Variants in ZNF286A observed in about 807,000 individuals in gnomAD.
The protein encoded by ZNF286A is zinc finger protein ZNF286.
In ZNF286A, 34 loss-of-function variants were observed where a neutral mutation model predicts 49.3. That is an observed-to-expected ratio of 0.69 (90% CI 0.52 to 0.92). The LOEUF (loss-of-function observed/expected upper bound fraction) is 0.92. Among genes scored for constraint, ZNF286A ranks in the 40% least tolerant of loss-of-function variants. The pLI is 0.00. For synonymous variants in ZNF286A, 155 were observed against 200.4 expected, an observed-to-expected ratio of 0.77 and a Z score of 1.91; for missense variants, 462 against 600.2, an observed-to-expected ratio of 0.77 and a Z score of 2.41.
At chr17:15,708,807 A>C (rs1349441797) in intron 5 of ZNF286A, among the ~76,000 whole-genome samples, 1 of 152,142 alleles carries the variant, frequency 6.6e-6, no homozygotes, top group Non-Finnish European at 1.5e-5. Context: ...TCATTGTATA[A>C]TTTTTTGTTT....
At chr17:15,712,762 T>TA (rs1246515715) in intron 5 of ZNF286A, among the ~76,000 whole-genome samples, 1 of 152,318 alleles carries the variant, frequency 6.6e-6, no homozygotes, top group Admixed American at 6.5e-5. Flanking sequence ...GTGAGACTGA[T>TA]ATTTTCATAA....
intron 5 of ZNF286A, among the ~76,000 whole-genome samples, chr17:15,714,068 C>T (rs1966899809): frequency 6.6e-6 from 1 of 151,916 alleles, no homozygotes; most frequent in East Asian, 1.9e-4. Flanking sequence ...AACAGAATTG[C>T]TTTACGAATA....
At chr17:15,702,183 A>G (rs1231508333) in intron 3 of ZNF286A, among the ~76,000 whole-genome samples, 1 of 151,606 alleles carries the variant, frequency 6.6e-6, no homozygotes, top group African/African-American at 2.4e-5. Context: ...TGATTATTGC[A>G]TTCATCTTTC....
At chr17:15,715,762 G>C (rs1023226037) in intron 5 of ZNF286A, among the ~76,000 whole-genome samples, 1 of 152,142 alleles carries the variant, frequency 6.6e-6, no homozygotes, top group African/African-American at 2.4e-5. Context: ...ATCCTGATCT[G>C]TGTACTCATT....
At position 15,717,139 on chromosome 17, in the gene ZNF286A, G is replaced by A; in HGVS notation, c.1415G>A (p.Gly472Glu). 6.2e-7 allele frequency: 1 copy of A among 1,613,440 alleles called. No individual in the cohort carries two copies. Among genetic ancestry groups the A allele is most frequent in the Non-Finnish European group, 8.5e-7 (1 of 1,179,830 alleles). Residue 472 changes from glycine (G) to glutamate (E), a missense_variant, in exon 6 of 6, where the codon GGA (glycine) becomes GAA (glutamate). Gly to Glu is a moderately conservative substitution (Grantham distance 98). Transcript: ENST00000583566. ...AAACCGTACAAATGTAGCGAGTGTG[G>A]AAAAGCCTTCATTCATTCATCAGCT... ...GKKPYKCSEC[G>E]KAFIHSSALI...
At chr17:15,710,933 A>G (rs1346708404) in intron 5 of ZNF286A, among the ~76,000 whole-genome samples, 2 of 138,972 alleles carry the variant, frequency 1.4e-5, no homozygotes, top group Non-Finnish European at 1.6e-5. Flanking sequence ...TTTTTTTTTG[A>G]CGGAGTCTTG....
At chr17:15,703,555 A>G (rs1026172586) in intron 3 of ZNF286A, among the ~76,000 whole-genome samples, 20 of 152,008 alleles carry the variant, frequency 1.3e-4, no homozygotes, top group Admixed American at 1.2e-3. Flanking sequence ...CCTCAAATTC[A>G]GTCCCTGCCT....
In ZNF286A at chr17:15,717,998, A is replaced by T. The variant is rs1464899623; in HGVS notation, c.*708A>T. 1 of 136,304 alleles carries T rather than the reference A, an allele frequency of 7.3e-6. No individual in the cohort carries two copies. The highest frequency in any genetic ancestry group is 1.5e-5 in the Non-Finnish European group (1 of 66,312). The allele number at this position is 136,304 out of a possible 1,614,324, so 8.4% of individuals were successfully genotyped here. ...GCCCGGGCTGGAGTGCAGTGGCGCG[A>T]TCTCGGCTCACTGCAACCTCCACCT... On this transcript the variant is annotated 3_prime_UTR_variant, in exon 6 of 6. Transcript: ENST00000583566.
In ZNF286A at chr17:15,716,671, A is replaced by T; in HGVS notation, c.947A>T (p.His316Leu). 7 of 1,614,100 alleles carry T rather than the reference A, an allele frequency of 4.3e-6. No homozygotes were observed. The highest frequency in any genetic ancestry group is 5.9e-6 in the Non-Finnish European group (7 of 1,179,964). Residue 316 changes from histidine (H) to leucine (L), a missense_variant, in exon 6 of 6, where the codon CAT (histidine) becomes CTT (leucine). His to Leu is a moderately conservative substitution (Grantham distance 99, BLOSUM62 -3). This residue lies in a region of ZNF286A where 201 missense variants were observed against 311.3 expected (regional missense o/e 0.65). Transcript: ENST00000583566. Reference protein sequence around the residue: ...TFTESSSLATHQRIHVGERPY... With the variant: ...TFTESSSLATLQRIHVGERPY... ...ACAGAAAGCTCATCCCTTGCAACACATCAGAGAATTCACGTTGGAGAGAGA... is the reference window on the plus strand; with the variant it reads ...ACAGAAAGCTCATCCCTTGCAACACTTCAGAGAATTCACGTTGGAGAGAGA...
chr17:15,717,158 A>C lies in ZNF286A; in HGVS notation c.1434A>C (p.Ser478=). ...AGTGTGGAAAAGCCTTCATTCATTC[A>C]TCAGCTCTCATTCAACATCAGAGAA... ...CSECGKAFIH[S]SALIQHQRTH... The change falls in exon 6 of 6, where the codon TCA becomes TCC. Residue 478 remains serine, a synonymous_variant. Transcript: ENST00000583566. 4.3e-6 allele frequency: 7 copies of C among 1,611,496 alleles called. No individual in the cohort carries two copies. Among genetic ancestry groups the C allele is most frequent in the Non-Finnish European group, 5.9e-6 (7 of 1,178,868 alleles).
intron 5 of ZNF286A, chr17:15,709,698 A>G (rs1597721117): frequency 3.1e-6 from 3 of 982,204 alleles, no homozygotes; most frequent in South Asian, 2.2e-5. Flanking sequence ...TAAAGTTCAC[A>G]TTGTATTTCG....
intron 5 of ZNF286A, among the ~76,000 whole-genome samples, chr17:15,712,006 G>A (rs1319332317): frequency 6.6e-6 from 1 of 151,574 alleles, no homozygotes; most frequent in Non-Finnish European, 1.5e-5. Context: ...TGAGTAGCTG[G>A]GACTACAGGT....
intron 4 of ZNF286A, among the ~76,000 whole-genome samples, chr17:15,707,837 ATAAC>A (rs1242730811): frequency 1.3e-5 from 2 of 152,088 alleles, no homozygotes; most frequent in Non-Finnish European, 2.9e-5. Flanking sequence ...CCCATTACAA[ATAAC>A]TAAGTCCAGC....
At chr17:15,704,957 G>A (rs147706222) in intron 3 of ZNF286A, 20 of 1,409,058 alleles carry the variant, frequency 1.4e-5, no homozygotes, top group East Asian at 2.6e-5. Context: ...TCTTCGGTCC[G>A]CCGGCCGGGG....
At chr17:15,714,037 T>C (rs2649408) in intron 5 of ZNF286A, among the ~76,000 whole-genome samples, 3 of 152,296 alleles carry the variant, frequency 2.0e-5, no homozygotes, top group East Asian at 3.9e-4. Context: ...TTCCTCAAGA[T>C]GACCATTGTT....
At chr17:15,713,896 T>A (rs1162059972) in intron 5 of ZNF286A, among the ~76,000 whole-genome samples, 1 of 152,100 alleles carries the variant, frequency 6.6e-6, no homozygotes, top group African/African-American at 2.4e-5. Context: ...TTGTTCATTT[T>A]TGAGAAACTG....
intron 3 of ZNF286A, chr17:15,705,015 CCCGCTCCGCT>C (rs1440786450): frequency 1.8e-5 from 12 of 659,104 alleles, no homozygotes; most frequent in Middle Eastern, 4.7e-4. Flanking sequence ...CCCCGGCGGC[CCCGCTCCGCT>C]CCCCGCTGCC....
chr17:15,719,259 TG>T lies in ZNF286A; in HGVS notation c.*1971del, dbSNP rs1967254405. ...ATTGACAAACTGTGGCCTGGACTCA[TG>T]GACCAACTCTGGCCCACCACCTGTT... is the stretch of plus-strand genomic sequence containing the variant. On this transcript the variant is annotated 3_prime_UTR_variant, in exon 6 of 6. Transcript: ENST00000583566. The T allele has an allele frequency of 7.5e-6, 1 of 132,876 alleles. No individual in the cohort carries two copies. Among genetic ancestry groups the T allele is most frequent in the African/African-American group, 2.9e-5 (1 of 34,286 alleles). The allele number at this position is 132,876 out of a possible 1,614,324, so 8.2% of individuals were successfully genotyped here.
chr17:15,706,237 A>G (rs1990217682), intron 3 of ZNF286A, 150 bp from the exon 4 acceptor site: 3 of 627,416 alleles, frequency 4.8e-6, no homozygotes, highest in Non-Finnish European at 8.5e-6. Flanking sequence ...AATACTCCGA[A>G]TCTGACGACC....
Sources: gnomAD v4.1 joint callset for allele counts (sites outside exome capture counted in the v4.1 genomes callset) on GRCh38, gnomAD v4.1.1 for gene constraint, gnomAD v4.1.1 regional missense constraint, MANE v1.5 for transcripts, NCBI Gene and HGNC (gene_info 2026-07-23, HGNC 2026-07-21) for gene names.